The following TSC22D1 variants were observed in gnomAD, a reference collection of about 807,000 sequenced individuals.
TSC22D1 encodes the protein TSC22 domain family member 1.
TSC22D1 carries 9 observed loss-of-function variants against 74.2 expected under a neutral mutation model. The ratio of observed to expected loss-of-function variants is 0.12; its 90% CI spans 0.07 to 0.21. The LOEUF is 0.21. Among genes scored for constraint, TSC22D1 ranks in the 10% least tolerant of loss-of-function variants. The pLI is 1.00. For synonymous variants in TSC22D1, 586 were observed against 492.5 expected (o/e 1.19, Z -2.51); for missense variants, 1,427 against 1,304.7 (o/e 1.09, Z -1.44).
rs574673702 is a variant in TSC22D1, at chr13:44,519,507, C to A, written c.2912+53656G>T. On this transcript the variant is annotated intron_variant, in intron 1 of 2. Coordinates refer to ENST00000458659, the MANE Select transcript of TSC22D1 (RefSeq NM_183422.4). ...AATGATCTCACCTATTCAAGAACAT[C>A]ACAAGAGACGTCCCTGAAGTAAGTA... Among the ~76,000 whole-genome samples, 190 of 152,170 alleles carry A rather than the reference C, an allele frequency of 1.2e-3. 1 individual carries two copies. Among genetic ancestry groups the A allele is most frequent in the African/African-American group, 4.4e-3 (182 of 41,514 alleles).
chr13:44,447,038 G>C (rs1875736494), intron 1 of TSC22D1, among the ~76,000 whole-genome samples: 1 of 151,934 alleles, frequency 6.6e-6, no homozygotes. Flanking sequence ...TTCATGTGCA[G>C]ATCTGAAACT....
intron 1 of TSC22D1, among the ~76,000 whole-genome samples, chr13:44,471,855 T>C (rs1270244931): frequency 6.6e-6 from 1 of 152,220 alleles, no homozygotes; most frequent in Non-Finnish European, 1.5e-5. Flanking sequence ...TCCAAAAATA[T>C]TAAGTGGAAA....
At chr13:44,502,053 A>T (rs9533880) in intron 1 of TSC22D1, among the ~76,000 whole-genome samples, 17,449 of 152,206 alleles carry the variant, frequency 0.11, 1,040 homozygotes, top group Non-Finnish European at 0.13. Flanking sequence ...GAAGTTTTTA[A>T]GGCTTACTCT....
chr13:44,465,029 C>T (rs777136354), intron 1 of TSC22D1, among the ~76,000 whole-genome samples: 2 of 152,288 alleles, frequency 1.3e-5, no homozygotes, highest in East Asian at 1.9e-4. Flanking sequence ...CAATGCTGCA[C>T]AAGTTTTGAG....
At chr13:44,570,188 C>CGTTT (rs1883663562) in intron 1 of TSC22D1, among the ~76,000 whole-genome samples, 1 of 132,450 alleles carries the variant, frequency 7.6e-6, no homozygotes, top group Non-Finnish European at 1.6e-5. Flanking sequence ...GACATTAAGA[C>CGTTT]TTTTTTTTTT....
At chr13:44,438,727 GAC>G (rs1206211045) in intron 1 of TSC22D1, among the ~76,000 whole-genome samples, 1 of 151,492 alleles carries the variant, frequency 6.6e-6, no homozygotes, top group Non-Finnish European at 1.5e-5. Context: ...AACAAAAGGA[GAC>G]TAAGTAGAAG....
chr13:44,449,432 G>C (rs1595085123), intron 1 of TSC22D1, among the ~76,000 whole-genome samples: 1 of 152,240 alleles, frequency 6.6e-6, no homozygotes, highest in African/African-American at 2.4e-5. Flanking sequence ...GGAAGTCCAA[G>C]GGGATCAAAG....
intron 1 of TSC22D1, among the ~76,000 whole-genome samples, chr13:44,546,020 AAAAAG>A (rs1386323244): frequency 6.6e-6 from 1 of 152,060 alleles, no homozygotes; most frequent in African/African-American, 2.4e-5. Context: ...CAAATAGATA[AAAAAG>A]AAAAGAAAGA....
At chr13:44,455,828 C>T (rs145512773) in intron 1 of TSC22D1, among the ~76,000 whole-genome samples, 120 of 152,246 alleles carry the variant, frequency 7.9e-4, no homozygotes, top group Non-Finnish European at 1.3e-3. Context: ...GAGATGAGAA[C>T]CCAGTTTTAA....
rs1325864268 is a variant in TSC22D1, at chr13:44,574,358, C to T, written c.1717G>A (p.Ala573Thr). 11 of 1,614,246 alleles carry T rather than the reference C, an allele frequency of 6.8e-6. No homozygotes were observed. The South Asian group carries it at 1.1e-4, about 16-fold the overall frequency. Reference sequence around the variant, plus strand: ...GGCGATGGCTGGATACCAGTTGCAGCACTCATAGTGGCTTGCAGAGGTACT... The same window carrying T: ...GGCGATGGCTGGATACCAGTTGCAGTACTCATAGTGGCTTGCAGAGGTACT... The part of the protein sequence containing the change: ...QPVPLQATMS[A>T]ATGIQPSPVN... Residue 573 changes from alanine to threonine, a missense_variant, in exon 1 of 3, where the codon GCT becomes ACT. Coordinates refer to ENST00000458659, the MANE Select transcript of TSC22D1 (RefSeq NM_183422.4).
intron 1 of TSC22D1, among the ~76,000 whole-genome samples, chr13:44,485,386 T>C (rs892949965): frequency 1.6e-4 from 24 of 152,190 alleles, no homozygotes; most frequent in African/African-American, 5.8e-4. Context: ...CAGTCTTTAA[T>C]TGTATAGCAA....
Position 44,433,979 on chromosome 13 carries a change from AT to A in TSC22D1, c.*646del. 1 of 1,534,318 alleles carries A rather than the reference AT, an allele frequency of 6.5e-7. No individual in the cohort carries two copies. Among genetic ancestry groups the A allele is most frequent in the East Asian group, 2.4e-5 (1 of 40,898 alleles). The stretch of plus-strand genomic sequence containing the variant: ...AAATAGTTACACTACATACACAAAT[AT>A]ACAATAAGCAAAACAACCTTCATGG... On this transcript the variant is annotated 3_prime_UTR_variant, in exon 3 of 3. Coordinates refer to ENST00000458659, the MANE Select transcript of TSC22D1 (RefSeq NM_183422.4).
At chr13:44,501,741 C>G (rs140174556) in intron 1 of TSC22D1, among the ~76,000 whole-genome samples, 405 of 152,278 alleles carry the variant, frequency 2.7e-3, no homozygotes, top group Middle Eastern at 0.014. Flanking sequence ...TTACCTGTAT[C>G]AAAGCCTCAT....
intron 1 of TSC22D1, among the ~76,000 whole-genome samples, chr13:44,470,187 A>C (rs1321571118): frequency 1.3e-5 from 2 of 152,212 alleles, no homozygotes; most frequent in Admixed American, 1.3e-4. Flanking sequence ...GAAGGGAACA[A>C]ATATGAAAGA....
At chr13:44,436,210 T>C (rs1485031043) in intron 1 of TSC22D1, 115 bp from the exon 2 acceptor site, 8 of 1,195,010 alleles carry the variant, frequency 6.7e-6, no homozygotes, top group Non-Finnish European at 9.5e-6. Flanking sequence ...GAATGTTATT[T>C]AACACTATGT....
intron 1 of TSC22D1, among the ~76,000 whole-genome samples, chr13:44,542,953 G>T (rs1401302485): frequency 6.6e-6 from 1 of 152,044 alleles, no homozygotes; most frequent in Non-Finnish European, 1.5e-5. Context: ...TTATTACACT[G>T]CAAGACTTAC....
At chr13:44,500,011 C>T (rs1879151826) in intron 1 of TSC22D1, among the ~76,000 whole-genome samples, 1 of 151,004 alleles carries the variant, frequency 6.6e-6, no homozygotes, top group South Asian at 2.1e-4. Context: ...CACTTGAACC[C>T]AGGAGGCGGA....
chr13:44,498,929 T>C lies in TSC22D1; in HGVS notation c.2913-62834A>G, dbSNP rs113813181. On this transcript the variant is annotated intron_variant, in intron 1 of 2. Transcript: ENST00000458659. ...TTTTAATCCTTCTTATTAAAAAAAC[T>C]GAAAACTAGTCTAAGTCAATCTAAG... 2.7e-3 allele frequency among the ~76,000 whole-genome samples: 415 copies of C among 152,270 alleles called. 1 individual carries two copies. Among genetic ancestry groups the C allele is most frequent in the African/African-American group, 8.2e-3 (341 of 41,564 alleles).
chr13:44,539,900 T>G (rs1458721798), intron 1 of TSC22D1: 62 of 1,289,716 alleles, frequency 4.8e-5, no homozygotes, highest in Non-Finnish European at 6.1e-5. Context: ...GATCACTCCT[T>G]GCACCTCTGG....
Sources: allele counts gnomAD v4.1 joint callset (sites outside exome capture counted in the v4.1 genomes callset), GRCh38; gene constraint gnomAD v4.1.1; transcripts MANE v1.5; gene names NCBI Gene and HGNC (gene_info 2026-07-23, HGNC 2026-07-21).